SH2D1A: variants seen among roughly 807,000 people sequenced by gnomAD.
SH2D1A encodes SH2 domain containing 1A.
A neutral mutation model predicts 10.1 loss-of-function variants in SH2D1A; 6 were observed. The ratio of observed to expected loss-of-function variants is 0.60; its 90% CI spans 0.33 to 1.18. The LOEUF is 1.18. Ranked by LOEUF, SH2D1A falls within the 50% of genes most tolerant of loss-of-function variation. SH2D1A has a pLI of 0.04. For missense variants in SH2D1A, 51 were observed against 97.6 expected (o/e 0.52, Z 2.01); for synonymous variants, 42 against 36.9 (o/e 1.14, Z -0.51).
intron 2 of SH2D1A, among the ~76,000 whole-genome samples, chrX:124,368,662 G>A (rs925614642): frequency 8.9e-6 from 1 of 112,421 alleles, no homozygotes; most frequent in Non-Finnish European, 1.9e-5. Flanking sequence ...TGGGCAAGCT[G>A]ATTAATTTCT....
At chrX:124,369,836 G>T (rs1216334473) in intron 2 of SH2D1A, among the ~76,000 whole-genome samples, 3 of 110,990 alleles carry the variant, frequency 2.7e-5, no homozygotes, top group Non-Finnish European at 5.7e-5. Flanking sequence ...CATCCCCTCT[G>T]TTGGTGAATT....
intron 1 of SH2D1A, among the ~76,000 whole-genome samples, chrX:124,357,774 T>C (rs941221541): frequency 1.8e-5 from 2 of 111,579 alleles, no homozygotes; most frequent in Non-Finnish European, 3.8e-5. Context: ...GTCATTTGTA[T>C]ATTTTCTTTT....
Position 124,348,526 on chromosome X carries a change from A to C in SH2D1A, c.137+1747A>C, listed in dbSNP as rs760253381. On this transcript the variant is annotated intron_variant, in intron 1 of 3. Coordinates refer to ENST00000371139, the MANE Select transcript of SH2D1A (RefSeq NM_002351.5). Reference sequence around the variant, plus strand: ...TCTGCGCTTATTGTTCCTTCTGCCCAAAATACCTTCAGTTCACATGTTTGT... The same window carrying C: ...TCTGCGCTTATTGTTCCTTCTGCCCCAAATACCTTCAGTTCACATGTTTGT... Among the ~76,000 whole-genome samples, 3 of 111,527 alleles carry C rather than the reference A, an allele frequency of 2.7e-5. No individual in the cohort carries two copies. In the East Asian group the frequency reaches 8.5e-4, roughly 32 times the overall value.
Position 124,365,752 on chromosome X carries a change from C to G in SH2D1A, c.138-9C>G. ...AATCTTTCAGTAATGGAAGTTTATT[C>G]TTTCACAGGTATCACGGTTACATTT... On this transcript the variant is annotated splice_polypyrimidine_tract_variant and intron_variant, in intron 1 of 3. Coordinates refer to ENST00000371139, the MANE Select transcript of SH2D1A (RefSeq NM_002351.5). 2 of 1,123,587 alleles carry G rather than the reference C, an allele frequency of 1.8e-6. No homozygotes were observed. Among genetic ancestry groups the G allele is most frequent in the Non-Finnish European group, 1.2e-6 (1 of 815,512 alleles). 92.6% of individuals were successfully genotyped at this position (1,123,587 alleles called of 1,213,427 possible).
At chrX:124,363,407 T>C (rs1027738720) in intron 1 of SH2D1A, among the ~76,000 whole-genome samples, 1 of 111,672 alleles carries the variant, frequency 9.0e-6, no homozygotes, top group African/African-American at 3.3e-5. Flanking sequence ...AATACAGTCA[T>C]GTGCAATATA....
chrX:124,347,416 C>A (rs1224600515), intron 1 of SH2D1A, among the ~76,000 whole-genome samples: 2 of 111,195 alleles, frequency 1.8e-5, no homozygotes, highest in Non-Finnish European at 3.8e-5. Context: ...CGTTAGGACT[C>A]ACAATAGTCT....
At chrX:124,357,279 G>T (rs1363921959) in intron 1 of SH2D1A, among the ~76,000 whole-genome samples, 1 of 111,932 alleles carries the variant, frequency 8.9e-6, no homozygotes, top group African/African-American at 3.2e-5. Flanking sequence ...TTTACAAACT[G>T]TCCTCCATAT....
At chrX:124,366,393 C>A (rs924639269) in intron 2 of SH2D1A, among the ~76,000 whole-genome samples, 1 of 110,231 alleles carries the variant, frequency 9.1e-6, no homozygotes, top group South Asian at 4.0e-4. Context: ...GTAAACGGAG[C>A]CTAAGAATCC....
At chrX:124,350,299 TATA>T (rs2147521655) in intron 1 of SH2D1A, among the ~76,000 whole-genome samples, 1 of 33,210 alleles carries the variant, frequency 3.0e-5, no homozygotes, top group South Asian at 1.6e-3. Context: ...ATATATAATA[TATA>T]AATATATATT....
chrX:124,360,812 T>C (rs1297683535), intron 1 of SH2D1A, among the ~76,000 whole-genome samples: 1 of 110,885 alleles, frequency 9.0e-6, no homozygotes, highest in Non-Finnish European at 1.9e-5. Flanking sequence ...AAAATTTTAT[T>C]AGGCAAATTA....
At position 124,348,570 on chromosome X, in the gene SH2D1A, A is replaced by G. The variant is rs1002554796; in HGVS notation, c.137+1791A>G. Among the ~76,000 whole-genome samples, 5 of 111,663 alleles carry G rather than the reference A, an allele frequency of 4.5e-5. No individual in the cohort carries two copies. The Admixed American group carries it at 4.8e-4, about 11-fold the overall frequency. On this transcript the variant is annotated intron_variant, in intron 1 of 3. Transcript: ENST00000371139. The stretch of plus-strand genomic sequence containing the variant: ...TGTTTGTTCAACTGTCTCCTCCCTC[A>G]GAGAGGACTTGCTTGACCACCTATC...
At chrX:124,357,648 G>A (rs1371053938) in intron 1 of SH2D1A, among the ~76,000 whole-genome samples, 1 of 111,256 alleles carries the variant, frequency 9.0e-6, no homozygotes, top group Non-Finnish European at 1.9e-5. Context: ...ATCCTCTCTT[G>A]TTGTCTTGTT....
intron 1 of SH2D1A, among the ~76,000 whole-genome samples, chrX:124,350,077 G>T (rs1458089525): frequency 1.1e-5 from 1 of 91,486 alleles, no homozygotes; most frequent in Non-Finnish European, 2.1e-5. Context: ...GTATTCTTAC[G>T]AGTGACGTAT....
chrX:124,365,830 G>T lies in SH2D1A; in HGVS notation c.201+6G>T. ...CAGGTTCTTGGAGTGCTGAGGTATA[G>T]TTGTATTTATTTTTGCTTCTGGGGG... is the stretch of plus-strand genomic sequence containing the variant. On this transcript the variant is annotated splice_donor_region_variant and intron_variant, in intron 2 of 3. Transcript: ENST00000371139. The T allele has an allele frequency of 8.8e-7, 1 of 1,132,307 alleles. No homozygotes were observed. The highest frequency in any genetic ancestry group is 1.2e-6 in the Non-Finnish European group (1 of 823,265). The allele number at this position is 1,132,307 out of a possible 1,213,427, so 93.3% of individuals were successfully genotyped here.
At position 124,371,375 on chromosome X, in the gene SH2D1A, G is replaced by C. The variant is rs2060068721; in HGVS notation, c.371G>C (p.Cys124Ser). Residue 124 changes from cysteine (C) to serine (S), a missense_variant, in exon 4 of 4, where the codon TGC (cysteine) becomes TCC (serine). Physicochemically the swap from Cys to Ser is moderately radical, Grantham distance 112. Coordinates refer to ENST00000371139, the MANE Select transcript of SH2D1A (RefSeq NM_002351.5). ...GGGATAAGAGAAGATCCTGATGTCT[G>C]CCTGAAAGCCCCATGAAGAAAAATA... Reference protein sequence around the residue: ...TTGIREDPDVCLKAP With the variant: ...TTGIREDPDVSLKAP The C allele has an allele frequency of 1.7e-6, 2 of 1,167,869 alleles. No homozygotes were observed. Among genetic ancestry groups the C allele is most frequent in the Non-Finnish European group, 2.3e-6 (2 of 858,907 alleles).
intron 1 of SH2D1A, among the ~76,000 whole-genome samples, chrX:124,351,102 T>G (rs1199757606): frequency 3.1e-5 from 3 of 95,393 alleles, no homozygotes; most frequent in African/African-American, 1.1e-4. Flanking sequence ...TATTTATATA[T>G]ATTTATATAT....
Position 124,370,179 on chromosome X carries a change from G to A in SH2D1A, c.205G>A (p.Ala69Thr). 8.3e-7 allele frequency: 1 copy of A among 1,201,034 alleles called. No homozygotes were observed. The highest frequency in any genetic ancestry group is 1.1e-6 in the Non-Finnish European group (1 of 885,860). ...TGCTTGGCCTTTTATTTTCCAGACA[G>A]CACCTGGGGTACATAAAAGATATTT... ...TETGSWSAET[A>T]PGVHKRYFRK... is the part of the protein sequence containing the mutation. Residue 69 changes from alanine to threonine, a missense_variant, in exon 3 of 4, where the codon GCA (alanine) becomes ACA (threonine). Transcript: ENST00000371139.
rs775632649 is a variant in SH2D1A, at chrX:124,367,642, A to C, written c.201+1818A>C. 5 of 112,281 alleles carry C rather than the reference A, an allele frequency of 4.5e-5. No individual in the cohort carries two copies. In the East Asian group the frequency reaches 1.4e-3, roughly 31 times the overall value. The allele number at this position is 112,281 out of a possible 1,213,427, so 9.3% of individuals were successfully genotyped here. Reference sequence around the variant, plus strand: ...CAGTAGCATGCCACCATCTGTGCATATATTATGCTAGAAATCTAGGTAAGT... The same window carrying C: ...CAGTAGCATGCCACCATCTGTGCATCTATTATGCTAGAAATCTAGGTAAGT... On this transcript the variant is annotated intron_variant, in intron 2 of 3. Coordinates refer to ENST00000371139, the MANE Select transcript of SH2D1A (RefSeq NM_002351.5).
chrX:124,371,178 G>A (rs932281863), intron 3 of SH2D1A, among the ~76,000 whole-genome samples, 173 bp from the exon 4 acceptor site: 3 of 110,943 alleles, frequency 2.7e-5, no homozygotes, highest in Non-Finnish European at 5.7e-5. Context: ...GTTTTTTTCT[G>A]CCTAATATTC....
Sources: gnomAD v4.1 joint callset for allele counts (sites outside exome capture counted in the v4.1 genomes callset) on GRCh38, gnomAD v4.1.1 for gene constraint, MANE v1.5 for transcripts, NCBI Gene and HGNC (gene_info 2026-07-23, HGNC 2026-07-21) for gene names.